Variants in SMYD3 observed in about 807,000 individuals in gnomAD.
SMYD3 encodes the protein SET and MYND domain containing 3.
Under a neutral mutation model 57.7 loss-of-function variants are expected in SMYD3, and 36 were observed. The ratio of observed to expected loss-of-function variants is 0.62; its 90% confidence interval spans 0.48 to 0.82. The LOEUF is 0.82. Among genes scored for constraint, SMYD3 ranks in the 40% least tolerant of loss-of-function variants. The probability of loss-of-function intolerance (pLI) is 0.00; values close to 1 mark genes in which losing one functional copy is unlikely to be tolerated. For synonymous variants in SMYD3, 211 were observed against 195.0 expected (o/e 1.08, Z -0.68); for missense variants, 515 against 538.8 (o/e 0.96, Z 0.44).
intron 5 of SMYD3, among the ~76,000 whole-genome samples, chr1:246,070,202 T>C (rs2060418915): frequency 6.6e-6 from 1 of 152,178 alleles, no homozygotes; most frequent in Non-Finnish European, 1.5e-5. Flanking sequence ...CTCTGGTCCT[T>C]CTTTTCATTT....
At position 246,064,949 on chromosome 1, in the gene SMYD3, C is replaced by T. The variant is rs191302531; in HGVS notation, c.532-135012G>A. The stretch of plus-strand genomic sequence containing the variant: ...TGTATACTAATTACACTTTTGGTTT[C>T]GACTTACCTTCCCCAACCTCTTACT... On this transcript the variant is annotated intron_variant, in intron 5 of 11. Transcript: ENST00000490107. Among the ~76,000 whole-genome samples, 221 of 152,342 alleles carry T rather than the reference C, an allele frequency of 1.5e-3. 1 individual carries two copies. Among genetic ancestry groups the T allele is most frequent in the African/African-American group, 5.1e-3 (211 of 41,576 alleles).
intron 5 of SMYD3, among the ~76,000 whole-genome samples, chr1:246,038,322 T>C (rs1283184707): frequency 6.6e-6 from 1 of 152,144 alleles, no homozygotes; most frequent in Non-Finnish European, 1.5e-5. Flanking sequence ...GGAAAGACTG[T>C]ACCTTAAGCT....
chr1:246,277,662 G>A (rs1176493358), intron 5 of SMYD3, among the ~76,000 whole-genome samples: 1 of 152,144 alleles, frequency 6.6e-6, no homozygotes, highest in Non-Finnish European at 1.5e-5. Context: ...TAAACAAATT[G>A]TGTTATCCCA....
intron 5 of SMYD3, among the ~76,000 whole-genome samples, chr1:246,210,723 C>CA (rs969654680): frequency 1.7e-4 from 25 of 150,966 alleles, no homozygotes; most frequent in East Asian, 3.9e-4. Flanking sequence ...AAAACAAAAA[C>CA]AAAAAAAACA....
chr1:246,402,191 A>C (rs2066781233), intron 1 of SMYD3, among the ~76,000 whole-genome samples: 1 of 151,984 alleles, frequency 6.6e-6, no homozygotes, highest in Non-Finnish European at 1.5e-5. Flanking sequence ...CAACATATAT[A>C]GGATTAGCAT....
In SMYD3 at chr1:246,474,537, A is replaced by G. The variant is rs1011029950; in HGVS notation, c.164+32517T>C. On this transcript the variant is annotated intron_variant, in intron 1 of 11. Coordinates refer to ENST00000490107, the MANE Select transcript of SMYD3 (RefSeq NM_001167740.2). ...CCCCTCTCAAAAAAAAAAAAAAAAAAAAAAGAAATGCAGGAGTAATGAGGT... is the reference window on the plus strand; with the variant it reads ...CCCCTCTCAAAAAAAAAAAAAAAAAGAAAAGAAATGCAGGAGTAATGAGGT... 6.8e-4 allele frequency among the ~76,000 whole-genome samples: 104 copies of G among 151,928 alleles called. No individual in the cohort carries two copies. The East Asian group carries it at 8.1e-3, about 12-fold the overall frequency.
At chr1:246,390,390 A>T (rs537203786) in intron 1 of SMYD3, among the ~76,000 whole-genome samples, 1 of 152,208 alleles carries the variant, frequency 6.6e-6, no homozygotes, top group Admixed American at 6.5e-5. Flanking sequence ...ACATATATAG[A>T]TGGACAGTAC....
intron 1 of SMYD3, among the ~76,000 whole-genome samples, chr1:246,466,077 T>C (rs1572524558): frequency 6.6e-6 from 1 of 152,244 alleles, no homozygotes; most frequent in South Asian, 2.1e-4. Context: ...TGGCCACTTA[T>C]ACACTGTTGG....
At chr1:245,949,874 A>G (rs2057566806) in intron 5 of SMYD3, among the ~76,000 whole-genome samples, 4 of 150,342 alleles carry the variant, frequency 2.7e-5, no homozygotes, top group Admixed American at 2.7e-4. Flanking sequence ...ATTAAAAAAC[A>G]CAGTGCCCAA....
rs534492393 is a variant in SMYD3 at position 245,868,070 on chromosome 1, G to T, written c.814-4184C>A. 1.2e-4 allele frequency among the ~76,000 whole-genome samples: 18 copies of T among 152,334 alleles called. No individual in the cohort carries two copies. The South Asian group carries it at 3.3e-3, about 28-fold the overall frequency. On this transcript the variant is annotated intron_variant, in intron 8 of 11. Coordinates refer to ENST00000490107, the MANE Select transcript of SMYD3 (RefSeq NM_001167740.2). ...ATATTTAACAAATGCTCTGCTGAATGTCTATAGCATGGATCTGGAAGAAGT... is the reference window on the plus strand; with the variant it reads ...ATATTTAACAAATGCTCTGCTGAATTTCTATAGCATGGATCTGGAAGAAGT...
intron 10 of SMYD3, among the ~76,000 whole-genome samples, chr1:245,810,933 T>G (rs1366227242): frequency 6.6e-6 from 1 of 152,232 alleles, no homozygotes; most frequent in Non-Finnish European, 1.5e-5. Context: ...TTTCAGTAGC[T>G]AGTGAGGTTA....
At position 245,764,116 on chromosome 1, in the gene SMYD3, C is replaced by T. The variant is rs1387414367; in HGVS notation, c.1110G>A (p.Gly370=). The T allele has an allele frequency of 6.2e-7, 1 of 1,614,062 alleles. No homozygotes were observed. The highest frequency in any genetic ancestry group is 1.1e-5 in the South Asian group (1 of 91,046). Residue 370 remains glycine (G), a synonymous_variant, in exon 11 of 12, where the codon GGG becomes GGA. Transcript: ENST00000490107. ...GTTTGCCAACTTTCATCACTTGAAC[C>T]CCTCTGACGGGATGGCTTCCTGGGA... ...IFFPGSHPVR[G]VQVMKVGKLQ...
chr1:246,061,544 G>A (rs1183632821), intron 5 of SMYD3, among the ~76,000 whole-genome samples: 22 of 150,752 alleles, frequency 1.5e-4, no homozygotes, highest in African/African-American at 2.0e-4. Context: ...ACAGCAAGAC[G>A]CCATCTCTAC....
At chr1:246,419,566 A>G (rs1420624445) in intron 1 of SMYD3, among the ~76,000 whole-genome samples, 8 of 152,170 alleles carry the variant, frequency 5.3e-5, no homozygotes. Context: ...CGATGGGGGT[A>G]GCGCCCTAGC....
At chr1:245,974,552 C>T (rs867260618) in intron 5 of SMYD3, among the ~76,000 whole-genome samples, 472 of 39,944 alleles carry the variant, frequency 0.012, 5 homozygotes, top group African/African-American at 0.049. Context: ...CCATCGTCTC[C>T]GGCCCAGGGA....
At chr1:246,470,304 C>T (rs2067940717) in intron 1 of SMYD3, among the ~76,000 whole-genome samples, 1 of 151,754 alleles carries the variant, frequency 6.6e-6, no homozygotes, top group South Asian at 2.1e-4. Context: ...CTAGCCTGGT[C>T]ATCATGGCAA....
chr1:245,929,564 C>T (rs2056597706), intron 6 of SMYD3, among the ~76,000 whole-genome samples: 1 of 152,156 alleles, frequency 6.6e-6, no homozygotes, highest in Non-Finnish European at 1.5e-5. Flanking sequence ...TGGGGAATAA[C>T]CAAAAATCAG....
intron 5 of SMYD3, among the ~76,000 whole-genome samples, chr1:246,241,016 A>C (rs2063598723): frequency 6.6e-6 from 1 of 152,102 alleles, no homozygotes; most frequent in Non-Finnish European, 1.5e-5. Flanking sequence ...TTTTCTAAAT[A>C]TACACTCATG....
At chr1:245,857,621 T>G (rs2051317999) in intron 10 of SMYD3, among the ~76,000 whole-genome samples, 1 of 132,692 alleles carries the variant, frequency 7.5e-6, no homozygotes, top group Admixed American at 7.6e-5. Context: ...CCCTCTGCCA[T>G]CGCTCCTGGT....
Sources: allele counts gnomAD v4.1 joint callset (sites outside exome capture counted in the v4.1 genomes callset), GRCh38; gene constraint gnomAD v4.1.1; transcripts MANE v1.5; gene names NCBI Gene and HGNC (gene_info 2026-07-23, HGNC 2026-07-21).